ADAM2: variants seen among roughly 807,000 people sequenced by gnomAD.
ADAM2 encodes the protein ADAM metallopeptidase domain 2, also known as disintegrin and metalloproteinase domain-containing protein 2.
In ADAM2, 101 loss-of-function variants were observed where a neutral mutation model predicts 99.3. The observed-to-expected ratio is 1.02, with a 90% CI of 0.87 to 1.20. ADAM2 has a LOEUF of 1.20. Ranked by LOEUF, ADAM2 falls within the 50% of genes most tolerant of loss-of-function variation. ADAM2 has a pLI of 0.00. For synonymous variants in ADAM2, 323 were observed against 287.6 expected (o/e 1.12, Z -1.25); for missense variants, 948 against 878.7 (o/e 1.08, Z -1.00).
chr8:39,771,393 A>G (rs1190825867), intron 11 of ADAM2, among the ~76,000 whole-genome samples: 4 of 152,206 alleles, frequency 2.6e-5, no homozygotes, highest in African/African-American at 9.6e-5. Context: ...TTCATTAACT[A>G]TCTTCTGCTA....
At chr8:39,819,770 G>T (rs1015092838) in intron 6 of ADAM2, among the ~76,000 whole-genome samples, 2 of 152,130 alleles carry the variant, frequency 1.3e-5, no homozygotes, top group East Asian at 3.9e-4. Context: ...ACAATCATCT[G>T]AGTCAATTCT....
chr8:39,786,409 A>G (rs922648338), intron 10 of ADAM2, among the ~76,000 whole-genome samples: 10 of 152,146 alleles, frequency 6.6e-5, no homozygotes, highest in African/African-American at 2.4e-4. Flanking sequence ...TATTATACAA[A>G]CACTCACACA....
intron 3 of ADAM2, among the ~76,000 whole-genome samples, chr8:39,825,278 C>A (rs930718261): frequency 7.9e-5 from 12 of 152,142 alleles, no homozygotes; most frequent in African/African-American, 2.9e-4. Context: ...TCAACTTGTT[C>A]AATCACCAAA....
At chr8:39,810,734 G>T (rs865821196) in intron 6 of ADAM2, among the ~76,000 whole-genome samples, 3 of 151,614 alleles carry the variant, frequency 2.0e-5, no homozygotes, top group Non-Finnish European at 4.4e-5. Flanking sequence ...CTTTGAAACC[G>T]ATGAGAACAA....
Position 39,769,624 on chromosome 8 carries a change from T to C in ADAM2, c.1029-49A>G, listed in dbSNP as rs116903156. On this transcript the variant is annotated intron_variant, in intron 11 of 20. Transcript: ENST00000265708. Reference sequence around the variant, plus strand: ...TTTTAATGTAAGGGTTTCCATAAACTACCTACCCTTAGAATAAACCTATAC... The same window carrying C: ...TTTTAATGTAAGGGTTTCCATAAACCACCTACCCTTAGAATAAACCTATAC... 6.0e-4 allele frequency: 775 copies of C among 1,296,012 alleles called. 6 individuals carry two copies. The East Asian group carries it at 0.017, about 28-fold the overall frequency. The allele number at this position is 1,296,012 out of a possible 1,614,324, so 80.3% of individuals were successfully genotyped here.
At position 39,832,402 on chromosome 8, in the gene ADAM2, A is replaced by T. The variant is rs577687705; in HGVS notation, c.188+1542T>A. Reference sequence around the variant, plus strand: ...ACATAGACCAATAACAATAGCCACTAAAGGCTTCAGTACTCCACCAGTGTG... The same window carrying T: ...ACATAGACCAATAACAATAGCCACTTAAGGCTTCAGTACTCCACCAGTGTG... On this transcript the variant is annotated intron_variant, in intron 3 of 20. Transcript: ENST00000265708. Among the ~76,000 whole-genome samples the T allele has an allele frequency of 1.1e-4, 17 of 152,316 alleles. No homozygotes were observed. The South Asian group carries it at 3.5e-3, about 32-fold the overall frequency.
intron 7 of ADAM2, among the ~76,000 whole-genome samples, chr8:39,789,474 T>C (rs1030229467): frequency 6.6e-6 from 1 of 151,682 alleles, no homozygotes; most frequent in African/African-American, 2.4e-5. Context: ...AAAATGAAAA[T>C]TATTCAGAAT....
intron 7 of ADAM2, among the ~76,000 whole-genome samples, chr8:39,804,527 G>A (rs1804357658): frequency 1.3e-5 from 2 of 152,104 alleles, no homozygotes; most frequent in Admixed American, 6.6e-5. Flanking sequence ...TAAGAGTAGA[G>A]AAGAGTAATG....
chr8:39,783,315 T>C (rs1344478069), intron 10 of ADAM2, among the ~76,000 whole-genome samples: 1 of 152,196 alleles, frequency 6.6e-6, no homozygotes, highest in Non-Finnish European at 1.5e-5. Flanking sequence ...ATATATATTT[T>C]GATAAAATGA....
At chr8:39,802,435 C>T (rs533892435) in intron 7 of ADAM2, among the ~76,000 whole-genome samples, 2 of 152,182 alleles carry the variant, frequency 1.3e-5, no homozygotes, top group Non-Finnish European at 2.9e-5. Flanking sequence ...TTGGCCCCCC[C>T]ACCTCATTAT....
intron 16 of ADAM2, among the ~76,000 whole-genome samples, chr8:39,751,527 A>G (rs1055696230): frequency 1.3e-5 from 2 of 152,028 alleles, no homozygotes; most frequent in Admixed American, 6.6e-5. Context: ...TTGCTTTAAC[A>G]TGCCTGTGGC....
At chr8:39,763,646 GAGT>G (rs1387549363) in intron 14 of ADAM2, among the ~76,000 whole-genome samples, 1 of 152,066 alleles carries the variant, frequency 6.6e-6, no homozygotes, top group African/African-American at 2.4e-5. Flanking sequence ...CCAATAAAGG[GAGT>G]TTCCTCAATG....
At chr8:39,825,868 T>C (rs779134046) in intron 3 of ADAM2, among the ~76,000 whole-genome samples, 1 of 152,114 alleles carries the variant, frequency 6.6e-6, no homozygotes, top group Non-Finnish European at 1.5e-5. Flanking sequence ...AAGAATATAG[T>C]TAAGTTGTTT....
intron 6 of ADAM2, among the ~76,000 whole-genome samples, chr8:39,818,966 T>G (rs1368137681): frequency 6.6e-6 from 1 of 152,068 alleles, no homozygotes; most frequent in Non-Finnish European, 1.5e-5. Context: ...GCAGTATTCC[T>G]CAGGTTTATC....
At chr8:39,781,007 C>A (rs1803203315) in intron 10 of ADAM2, among the ~76,000 whole-genome samples, 1 of 150,174 alleles carries the variant, frequency 6.7e-6, no homozygotes, top group Non-Finnish European at 1.5e-5. Flanking sequence ...GCTTTCATAC[C>A]TTTTCTTTTT....
At chr8:39,752,733 T>G (rs573189436) in intron 16 of ADAM2, among the ~76,000 whole-genome samples, 3 of 152,220 alleles carry the variant, frequency 2.0e-5, no homozygotes, top group African/African-American at 7.2e-5. Flanking sequence ...GGCGGCAGGT[T>G]TTTCCCATGC....
chr8:39,838,027 C>A, intron 1 of ADAM2, 104 bp downstream of exon 1: 1 of 1,285,334 alleles, frequency 7.8e-7, no homozygotes, highest in Non-Finnish European at 1.1e-6. Context: ...GAGTTGGAAA[C>A]CCCTCAGGAA....
intron 15 of ADAM2, 126 bp downstream of exon 15, chr8:39,761,050 T>G: frequency 2.0e-6 from 1 of 500,886 alleles, no homozygotes; most frequent in South Asian, 4.7e-5. Context: ...ATATTTATAA[T>G]TTGAATAAAC....
At chr8:39,764,347 C>T (rs928329191) in intron 14 of ADAM2, among the ~76,000 whole-genome samples, 1 of 152,158 alleles carries the variant, frequency 6.6e-6, no homozygotes, top group African/African-American at 2.4e-5. Context: ...GAGTTGGAGG[C>T]TGCAGTGAGC....
Sources: allele counts gnomAD v4.1 joint callset (sites outside exome capture counted in the v4.1 genomes callset), GRCh38; gene constraint gnomAD v4.1.1; transcripts MANE v1.5; gene names NCBI Gene and HGNC (gene_info 2026-07-23, HGNC 2026-07-21).